The following EBF1 variants were observed in gnomAD, a reference collection of about 807,000 sequenced individuals.
EBF1 encodes the protein EBF transcription factor 1.
A neutral mutation model predicts 68.4 loss-of-function variants in EBF1; 10 were observed. The observed-to-expected ratio is 0.15, with a 90% confidence interval of 0.09 to 0.25. EBF1 has a LOEUF of 0.25. Ranked by LOEUF, EBF1 falls within the 10% of genes least tolerant of loss-of-function variation. The probability of loss-of-function intolerance (pLI) is 1.00; values close to 1 mark genes in which losing one functional copy is unlikely to be tolerated. For synonymous variants in EBF1, 298 were observed against 299.8 expected (o/e 0.99, Z 0.06); for missense variants, 509 against 794.4 (o/e 0.64, Z 4.32).
At chr5:158,855,335 A>G (rs962178021) in intron 6 of EBF1, among the ~76,000 whole-genome samples, 2 of 152,258 alleles carry the variant, frequency 1.3e-5, no homozygotes, top group African/African-American at 4.8e-5. Context: ...GTCTTGAAGT[A>G]TATGACAGGG....
chr5:158,818,507 T>C (rs966179546), intron 8 of EBF1, among the ~76,000 whole-genome samples: 1 of 152,176 alleles, frequency 6.6e-6, no homozygotes, highest in African/African-American at 2.4e-5. Flanking sequence ...CAGAATTCAC[T>C]GGTGGTGGTG....
chr5:158,910,992 A>G (rs913422270), intron 6 of EBF1, among the ~76,000 whole-genome samples: 1 of 152,170 alleles, frequency 6.6e-6, no homozygotes, highest in Non-Finnish European at 1.5e-5. Context: ...CAGTGTGTGT[A>G]TGCCTTGCAG....
intron 6 of EBF1, among the ~76,000 whole-genome samples, chr5:158,847,656 C>T (rs1320320957): frequency 1.3e-5 from 2 of 152,218 alleles, no homozygotes; most frequent in African/African-American, 4.8e-5. Flanking sequence ...TATTAAGGTG[C>T]AAACTCTGGC....
rs138502033 is a variant in EBF1 at position 158,903,268 on chromosome 5, T to C, written c.555-63158A>G. On this transcript the variant is annotated intron_variant, in intron 6 of 15. Transcript: ENST00000313708. ...CTCACTGCCTACATGCATAAACAGC[T>C]TTCTGCATCATTCTTGGGGTATTTT... Among the ~76,000 whole-genome samples the C allele has an allele frequency of 1.1e-4, 17 of 152,374 alleles. No homozygotes were observed. The East Asian group carries it at 3.1e-3, about 28-fold the overall frequency.
chr5:158,801,757 G>A (rs985307198), intron 8 of EBF1, among the ~76,000 whole-genome samples: 3 of 151,894 alleles, frequency 2.0e-5, no homozygotes, highest in Non-Finnish European at 4.4e-5. Flanking sequence ...TGCACCAGGG[G>A]ACATTTGCTA....
rs552308272 is a variant in EBF1 at position 158,984,940 on chromosome 5, C to T, written c.554+88456G>A. On this transcript the variant is annotated intron_variant, in intron 6 of 15. Transcript: ENST00000313708. ...CCTCGTGATCCACCCACCTCGGCCT[C>T]CCAAAGTGCTGGGACTACAGGCATG... Among the ~76,000 whole-genome samples the T allele has an allele frequency of 1.1e-4, 16 of 152,234 alleles. 1 individual carries two copies. The South Asian group carries it at 3.3e-3, about 32-fold the overall frequency.
intron 10 of EBF1, among the ~76,000 whole-genome samples, chr5:158,758,164 G>T (rs369180262): frequency 3.9e-5 from 6 of 152,278 alleles, no homozygotes; most frequent in Middle Eastern, 3.4e-3. Flanking sequence ...AGGTTTAAAT[G>T]ATAATGTAAT....
chr5:158,911,027 T>C (rs772886775), intron 6 of EBF1, among the ~76,000 whole-genome samples: 2 of 151,866 alleles, frequency 1.3e-5, no homozygotes, highest in Non-Finnish European at 2.9e-5. Context: ...CAGGGGAGAG[T>C]ACCGAGAGCC....
At chr5:158,916,079 T>C (rs977252131) in intron 6 of EBF1, among the ~76,000 whole-genome samples, 1 of 152,176 alleles carries the variant, frequency 6.6e-6, no homozygotes, top group Non-Finnish European at 1.5e-5. Context: ...TTGGCTGATG[T>C]TGGCTGAGTA....
At chr5:158,915,296 T>C (rs1285767043) in intron 6 of EBF1, among the ~76,000 whole-genome samples, 2 of 152,178 alleles carry the variant, frequency 1.3e-5, no homozygotes, top group Admixed American at 6.5e-5. Context: ...AAAATAAATG[T>C]TTAGAAATGC....
chr5:159,084,786 G>GAA (rs770261650), intron 4 of EBF1, 47 bp from the exon 5 acceptor site: 2,461 of 1,069,654 alleles, frequency 2.3e-3, no homozygotes, highest in South Asian at 6.3e-3. Flanking sequence ...AGGAGTAGCA[G>GAA]AAAAAAAAAA....
intron 6 of EBF1, among the ~76,000 whole-genome samples, chr5:159,064,899 C>CTTTTTTTTTTTTTTTTTTTTTTT (rs57256923): frequency 1.5e-5 from 1 of 67,912 alleles, no homozygotes; most frequent in African/African-American, 6.1e-5. Flanking sequence ...CTCTTTTCAT[C>CTTTTTTTTTTTTTTTTTTTTTTT]TTTTTTTTTT....
At position 158,777,924 on chromosome 5, in the gene EBF1, CAT is replaced by C. The variant is rs369867299; in HGVS notation, c.910-387_910-386del. Among the ~76,000 whole-genome samples, 12 of 152,270 alleles carry C rather than the reference CAT, an allele frequency of 7.9e-5. No individual in the cohort carries two copies. The East Asian group carries it at 2.1e-3, about 27-fold the overall frequency. Reference sequence around the variant, plus strand: ...CTGGTGTTTGAACTGAGCCTGTCAACATGTGGAAAACACAGAGGTAGGGAAAC... The same window carrying C: ...CTGGTGTTTGAACTGAGCCTGTCAACGTGGAAAACACAGAGGTAGGGAAAC... On this transcript the variant is annotated intron_variant, in intron 9 of 15. Coordinates refer to ENST00000313708, the MANE Select transcript of EBF1 (RefSeq NM_024007.5).
At chr5:158,930,841 C>T (rs1417931476) in intron 6 of EBF1, among the ~76,000 whole-genome samples, 1 of 151,944 alleles carries the variant, frequency 6.6e-6, no homozygotes, top group African/African-American at 2.4e-5. Context: ...CAAGTCATAC[C>T]ACCTCTGCAA....
At chr5:158,886,891 A>T (rs1800152264) in intron 6 of EBF1, among the ~76,000 whole-genome samples, 1 of 152,122 alleles carries the variant, frequency 6.6e-6, no homozygotes, top group Non-Finnish European at 1.5e-5. Context: ...AATCCCAGCT[A>T]CTCAGGAAGC....
chr5:159,046,688 C>T (rs1772470321), intron 6 of EBF1, among the ~76,000 whole-genome samples: 1 of 152,120 alleles, frequency 6.6e-6, no homozygotes, highest in Non-Finnish European at 1.5e-5. Context: ...TCTCTGCCCT[C>T]CAGAAAACTG....
chr5:158,956,513 T>G (rs1817128875), intron 6 of EBF1, among the ~76,000 whole-genome samples: 1 of 151,968 alleles, frequency 6.6e-6, no homozygotes. Flanking sequence ...TTTCAGATAT[T>G]CCTTCTAAAA....
intron 6 of EBF1, among the ~76,000 whole-genome samples, chr5:158,998,602 C>A (rs1561750790): frequency 6.6e-6 from 1 of 152,212 alleles, no homozygotes; most frequent in African/African-American, 2.4e-5. Context: ...ATTTGTCTAT[C>A]ATTTTACCAA....
chr5:159,072,495 T>C (rs1777991668), intron 6 of EBF1, among the ~76,000 whole-genome samples: 1 of 152,236 alleles, frequency 6.6e-6, no homozygotes, highest in Non-Finnish European at 1.5e-5. Context: ...ACCATTGGTT[T>C]CCTCAATGAG....
Sources: gnomAD v4.1 joint callset for allele counts (sites outside exome capture counted in the v4.1 genomes callset) on GRCh38, gnomAD v4.1.1 for gene constraint, MANE v1.5 for transcripts, NCBI Gene and HGNC (gene_info 2026-07-23, HGNC 2026-07-21) for gene names.